PTPRD: variants seen among roughly 807,000 people sequenced by gnomAD.
PTPRD encodes receptor-type tyrosine-protein phosphatase delta.
A neutral mutation model predicts 214.5 loss-of-function variants in PTPRD; 34 were observed. The ratio of observed to expected loss-of-function variants is 0.16; its 90% CI spans 0.12 to 0.21. The LOEUF is 0.21. PTPRD is among the 10% of genes least tolerant of loss of function. The pLI is 1.00. For synonymous variants in PTPRD, 1,128 were observed against 845.7 expected (o/e 1.33, Z -5.79); for missense variants, 2,545 against 2,398.7 (o/e 1.06, Z -1.27).
chr9:9,337,114 C>A (rs1019171876), intron 9 of PTPRD, among the ~76,000 whole-genome samples: 7 of 152,174 alleles, frequency 4.6e-5, no homozygotes, highest in Middle Eastern at 6.8e-3. Flanking sequence ...CATTTCTTTC[C>A]CAACCTTGGA....
At chr9:9,655,776 G>C (rs1450120873) in intron 7 of PTPRD, among the ~76,000 whole-genome samples, 1 of 151,460 alleles carries the variant, frequency 6.6e-6, no homozygotes, top group Non-Finnish European at 1.5e-5. Context: ...TCAGGAGTTT[G>C]AGACCAACCT....
At chr9:9,594,007 T>C (rs1422716326) in intron 7 of PTPRD, among the ~76,000 whole-genome samples, 1 of 152,048 alleles carries the variant, frequency 6.6e-6, no homozygotes, top group Non-Finnish European at 1.5e-5. Context: ...GATAGTACAG[T>C]GGTACTTGTA....
At chr9:9,675,591 A>T (rs990473929) in intron 7 of PTPRD, among the ~76,000 whole-genome samples, 1 of 151,954 alleles carries the variant, frequency 6.6e-6, no homozygotes, top group African/African-American at 2.4e-5. Flanking sequence ...ATAACATTTT[A>T]AAGCAATATA....
At chr9:8,898,649 A>G (rs763985853) in intron 11 of PTPRD, among the ~76,000 whole-genome samples, 3 of 152,206 alleles carry the variant, frequency 2.0e-5, no homozygotes, top group Non-Finnish European at 2.9e-5. Context: ...TATCTAATCC[A>G]TAAGACTTGG....
intron 3 of PTPRD, among the ~76,000 whole-genome samples, chr9:10,155,154 T>C (rs139580424): frequency 1.9e-4 from 29 of 152,286 alleles, no homozygotes; most frequent in Admixed American, 1.3e-3. Context: ...ATTCTAGAGC[T>C]CTTTCACCTA....
intron 5 of PTPRD, among the ~76,000 whole-genome samples, chr9:9,816,181 C>A (rs547377501): frequency 3.7e-4 from 56 of 152,040 alleles, no homozygotes; most frequent in African/African-American, 1.3e-3. Flanking sequence ...TATTTGTTTT[C>A]TTGGCTAGTC....
chr9:9,623,390 C>T (rs1286242162), intron 7 of PTPRD, among the ~76,000 whole-genome samples: 5 of 152,102 alleles, frequency 3.3e-5, no homozygotes, highest in Non-Finnish European at 7.3e-5. Flanking sequence ...CTTTTAAAAA[C>T]CCCTCATTAG....
At chr9:9,393,544 T>C (rs553060560) in intron 9 of PTPRD, among the ~76,000 whole-genome samples, 24 of 152,202 alleles carry the variant, frequency 1.6e-4, no homozygotes, top group Middle Eastern at 3.4e-3. Context: ...CTTATTGGAG[T>C]GGAATAACTG....
At chr9:9,653,469 T>A (rs946497570) in intron 7 of PTPRD, among the ~76,000 whole-genome samples, 4 of 150,956 alleles carry the variant, frequency 2.6e-5, no homozygotes, top group African/African-American at 9.7e-5. Flanking sequence ...AATGAATATA[T>A]TTTTTTCAAA....
intron 35 of PTPRD, among the ~76,000 whole-genome samples, chr9:8,418,381 C>T (rs1230910265): frequency 1.3e-5 from 2 of 152,066 alleles, no homozygotes; most frequent in African/African-American, 2.4e-5. Flanking sequence ...CAACTAGCTA[C>T]GTTTAGCCTT....
chr9:8,539,719 A>G (rs2077874885), intron 14 of PTPRD, among the ~76,000 whole-genome samples: 1 of 152,044 alleles, frequency 6.6e-6, no homozygotes, highest in Non-Finnish European at 1.5e-5. Flanking sequence ...CAAAACCCCA[A>G]ACAAGAACAT....
At chr9:9,344,579 C>G (rs777496080) in intron 9 of PTPRD, among the ~76,000 whole-genome samples, 1 of 151,838 alleles carries the variant, frequency 6.6e-6, no homozygotes, top group Non-Finnish European at 1.5e-5. Flanking sequence ...TACTTGTGTT[C>G]AGCCTGTATT....
intron 5 of PTPRD, among the ~76,000 whole-genome samples, chr9:9,857,490 A>G (rs1306494535): frequency 6.6e-6 from 1 of 152,186 alleles, no homozygotes; most frequent in African/African-American, 2.4e-5. Context: ...CCTCTCCTAT[A>G]GCCTAATAGA....
At chr9:9,475,811 A>G in intron 8 of PTPRD, among the ~76,000 whole-genome samples, 1 of 152,172 alleles carries the variant, frequency 6.6e-6, no homozygotes, top group South Asian at 2.1e-4. Context: ...GGCAATCTGA[A>G]GTTTCAGCAC....
intron 9 of PTPRD, among the ~76,000 whole-genome samples, chr9:9,328,211 C>T (rs1029583304): frequency 2.0e-5 from 3 of 151,826 alleles, no homozygotes; most frequent in Non-Finnish European, 2.9e-5. Context: ...TTCTATTTAC[C>T]GGAGCTAATA....
chr9:9,707,233 G>A (rs1012249618), intron 7 of PTPRD, among the ~76,000 whole-genome samples: 4 of 152,084 alleles, frequency 2.6e-5, no homozygotes, highest in Admixed American at 2.0e-4. Flanking sequence ...TTATAATTAT[G>A]GGTATTGTTA....
intron 2 of PTPRD, among the ~76,000 whole-genome samples, chr9:10,518,211 T>A (rs2050775023): frequency 6.6e-6 from 1 of 152,116 alleles, no homozygotes; most frequent in Non-Finnish European, 1.5e-5. Context: ...AGGATAATAA[T>A]TTTATGTTTT....
intron 35 of PTPRD, among the ~76,000 whole-genome samples, chr9:8,411,237 T>C (rs1040648019): frequency 6.6e-6 from 1 of 152,058 alleles, no homozygotes; most frequent in African/African-American, 2.4e-5. Context: ...CATACAACTT[T>C]AAGATTAAAG....
At chr9:10,212,865 C>T (rs911692) in intron 3 of PTPRD, among the ~76,000 whole-genome samples, 133,877 of 152,160 alleles carry the variant, frequency 0.88, 58,942 homozygotes, top group Admixed American at 0.93. Flanking sequence ...AGTGATTGCA[C>T]GTCTGAGACT....
Sources: allele counts gnomAD v4.1 joint callset (sites outside exome capture counted in the v4.1 genomes callset), GRCh38; gene constraint gnomAD v4.1.1; transcripts MANE v1.5; gene names NCBI Gene and HGNC (gene_info 2026-07-23, HGNC 2026-07-21).